The following ZNF277 variants were observed in gnomAD, a reference collection of about 807,000 sequenced individuals.
ZNF277 encodes zinc finger protein 277, also known as nuclear receptor-interacting factor 4.
Under a neutral mutation model 60.7 loss-of-function variants are expected in ZNF277, and 55 were observed. That is an observed-to-expected ratio of 0.91 (90% CI 0.73 to 1.13). ZNF277 has a LOEUF of 1.13. Ranked by LOEUF, ZNF277 falls within the 50% of genes most tolerant of loss-of-function variation. The probability of loss-of-function intolerance (pLI) is 0.00; values close to 1 mark genes in which losing one functional copy is unlikely to be tolerated. For missense variants in ZNF277, 510 were observed against 523.0 expected, an observed-to-expected ratio of 0.98 and a Z score of 0.24; for synonymous variants, 178 against 179.3, an observed-to-expected ratio of 0.99 and a Z score of 0.06.
At chr7:112,220,902 G>A (rs972680474) in intron 1 of ZNF277, among the ~76,000 whole-genome samples, 17 of 152,270 alleles carry the variant, frequency 1.1e-4, no homozygotes, top group Admixed American at 2.6e-4. Flanking sequence ...CAGCCAGCAC[G>A]GGCTACCCTC....
rs1443481478 is a variant in ZNF277 at position 112,290,893 on chromosome 7, G to C, written c.293+3819G>C. On this transcript the variant is annotated intron_variant, in intron 2 of 11. Coordinates refer to ENST00000361822, the MANE Select transcript of ZNF277 (RefSeq NM_021994.3). ...GTAGGGTTGGGAGGAGGGAACATGA[G>C]AGATTTATTTGGCATGAACACATTC... Among the ~76,000 whole-genome samples, 3 of 152,124 alleles carry C rather than the reference G, an allele frequency of 2.0e-5. No homozygotes were observed. In the East Asian group the frequency reaches 5.8e-4, roughly 29 times the overall value.
intron 5 of ZNF277, among the ~76,000 whole-genome samples, chr7:112,325,086 C>A (rs1433916591): frequency 6.6e-6 from 1 of 152,178 alleles, no homozygotes; most frequent in Non-Finnish European, 1.5e-5. Context: ...GCTATCTGGG[C>A]ATCCTTTAAC....
chr7:112,297,166 A>T (rs2117078853), intron 4 of ZNF277, among the ~76,000 whole-genome samples: 1 of 151,766 alleles, frequency 6.6e-6, no homozygotes, highest in South Asian at 2.1e-4. Flanking sequence ...TGACCTCATG[A>T]TCTGCCCACC....
chr7:112,312,841 G>T (rs1168316955), intron 4 of ZNF277, among the ~76,000 whole-genome samples: 1 of 151,906 alleles, frequency 6.6e-6, no homozygotes, highest in African/African-American at 2.4e-5. Context: ...GTCAGCAAAG[G>T]CAATTTCAAC....
At chr7:112,259,913 C>T (rs1199836914) in intron 1 of ZNF277, among the ~76,000 whole-genome samples, 1 of 152,130 alleles carries the variant, frequency 6.6e-6, no homozygotes, top group Non-Finnish European at 1.5e-5. Flanking sequence ...GAGAGAAAAA[C>T]TGTTATAAGA....
intron 1 of ZNF277, among the ~76,000 whole-genome samples, chr7:112,218,646 A>G (rs970773946): frequency 6.6e-6 from 1 of 152,266 alleles, no homozygotes; most frequent in South Asian, 2.1e-4. Flanking sequence ...CCTGGTACCT[A>G]TCATTCATTG....
chr7:112,335,187 G>T (rs1297116953), intron 7 of ZNF277, among the ~76,000 whole-genome samples: 1 of 152,130 alleles, frequency 6.6e-6, no homozygotes, highest in African/African-American at 2.4e-5. Flanking sequence ...TTTCCAAAAG[G>T]ATATTGAACA....
At chr7:112,227,838 T>C (rs1328614246) in intron 1 of ZNF277, among the ~76,000 whole-genome samples, 1 of 152,054 alleles carries the variant, frequency 6.6e-6, no homozygotes, top group Non-Finnish European at 1.5e-5. Context: ...AATCATATTA[T>C]CCTATTTAGT....
chr7:112,247,606 A>G (rs1327089562), intron 1 of ZNF277, among the ~76,000 whole-genome samples: 1 of 152,202 alleles, frequency 6.6e-6, no homozygotes, highest in Non-Finnish European at 1.5e-5. Flanking sequence ...TTGAGCACCT[A>G]TCATGTTATA....
chr7:112,245,954 C>A (rs1791072701), intron 1 of ZNF277, among the ~76,000 whole-genome samples: 1 of 152,116 alleles, frequency 6.6e-6, no homozygotes, highest in Non-Finnish European at 1.5e-5. Flanking sequence ...GGGACACTCA[C>A]CTTCTTCCTT....
At chr7:112,285,251 T>G (rs1792038386) in intron 1 of ZNF277, among the ~76,000 whole-genome samples, 1 of 151,674 alleles carries the variant, frequency 6.6e-6, no homozygotes, top group South Asian at 2.1e-4. Context: ...AGGATGGTCT[T>G]GATCTCTTGA....
chr7:112,287,203 G>A, intron 2 of ZNF277, 129 bp downstream of exon 2: 1 of 884,266 alleles, frequency 1.1e-6, no homozygotes, highest in Non-Finnish European at 1.7e-6. Flanking sequence ...CAAGATGCCA[G>A]CTCTAAAAAC....
intron 2 of ZNF277, among the ~76,000 whole-genome samples, chr7:112,295,285 C>T (rs1792298675): frequency 6.6e-6 from 1 of 152,150 alleles, no homozygotes; most frequent in Admixed American, 6.5e-5. Context: ...TGTGTTGCTT[C>T]TAACTCTGCT....
At chr7:112,284,997 G>T (rs1257224509) in intron 1 of ZNF277, among the ~76,000 whole-genome samples, 1 of 152,126 alleles carries the variant, frequency 6.6e-6, no homozygotes, top group Non-Finnish European at 1.5e-5. Flanking sequence ...TTAAGTGAAT[G>T]AATGAATGCT....
intron 1 of ZNF277, among the ~76,000 whole-genome samples, chr7:112,208,798 A>AG (rs1363495830): frequency 1.4e-5 from 2 of 146,098 alleles, no homozygotes; most frequent in East Asian, 2.0e-4. Flanking sequence ...CTCCTGCCTC[A>AG]GCCTCCCGAG....
intron 1 of ZNF277, among the ~76,000 whole-genome samples, chr7:112,264,644 A>G (rs888428120): frequency 1.3e-5 from 2 of 152,202 alleles, no homozygotes; most frequent in African/African-American, 4.8e-5. Context: ...AAATTTTAAT[A>G]AAAATATATG....
At chr7:112,289,982 G>A (rs532474406) in intron 2 of ZNF277, among the ~76,000 whole-genome samples, 13 of 151,844 alleles carry the variant, frequency 8.6e-5, no homozygotes, top group Non-Finnish European at 1.3e-4. Flanking sequence ...ATGCTGGTGC[G>A]CTGCACCTAA....
chr7:112,316,589 G>T (rs964326329), intron 4 of ZNF277, among the ~76,000 whole-genome samples: 9 of 151,972 alleles, frequency 5.9e-5, no homozygotes, highest in African/African-American at 2.2e-4. Flanking sequence ...GTCAATTTTG[G>T]CTTTTGTTGC....
At chr7:112,272,333 A>T (rs1403550884) in intron 1 of ZNF277, among the ~76,000 whole-genome samples, 1 of 152,198 alleles carries the variant, frequency 6.6e-6, no homozygotes, top group Non-Finnish European at 1.5e-5. Flanking sequence ...TCATTGACAG[A>T]CACTTACGTT....
Sources: gnomAD v4.1 joint callset for allele counts (sites outside exome capture counted in the v4.1 genomes callset) on GRCh38, gnomAD v4.1.1 for gene constraint, MANE v1.5 for transcripts, NCBI Gene and HGNC (gene_info 2026-07-23, HGNC 2026-07-21) for gene names.